The following UBR2 variants were observed in gnomAD, a reference collection of about 807,000 sequenced individuals.
UBR2 encodes ubiquitin protein ligase E3 component n-recognin 2.
Under a neutral mutation model 247.9 loss-of-function variants are expected in UBR2, and 92 were observed. The observed-to-expected ratio is 0.37, with a 90% confidence interval of 0.31 to 0.44. The LOEUF is 0.44. Ranked by LOEUF, UBR2 falls within the 20% of genes least tolerant of loss-of-function variation. The pLI, the probability that UBR2 is intolerant of heterozygous loss-of-function variation, is 1.00. For missense variants in UBR2, 1,613 were observed against 2,112.6 expected (o/e 0.76, Z 4.64); for synonymous variants, 672 against 693.5 (o/e 0.97, Z 0.49).
chr6:42,600,473 A>G (rs1164175673), intron 4 of UBR2, among the ~76,000 whole-genome samples: 3 of 152,130 alleles, frequency 2.0e-5, no homozygotes, highest in Non-Finnish European at 4.4e-5. Context: ...TTAATTTACC[A>G]TCATAACATT....
chr6:42,672,214 G>A (rs1291472744), intron 36 of UBR2, among the ~76,000 whole-genome samples: 1 of 152,092 alleles, frequency 6.6e-6, no homozygotes, highest in Non-Finnish European at 1.5e-5. Context: ...TGCGTTTTTA[G>A]TAGAGATGGG....
At chr6:42,655,199 C>T (rs1328952908) in intron 25 of UBR2, among the ~76,000 whole-genome samples, 1 of 151,972 alleles carries the variant, frequency 6.6e-6, no homozygotes, top group Non-Finnish European at 1.5e-5. Context: ...ACTTCAAGGC[C>T]GGGCATGGTG....
At chr6:42,584,334 T>C (rs1204096785) in intron 2 of UBR2, among the ~76,000 whole-genome samples, 1 of 152,196 alleles carries the variant, frequency 6.6e-6, no homozygotes, top group Non-Finnish European at 1.5e-5. Context: ...CACTTAACCA[T>C]AAAGTGTGGG....
chr6:42,660,382 G>A (rs1165972246), intron 30 of UBR2, among the ~76,000 whole-genome samples: 1 of 152,116 alleles, frequency 6.6e-6, no homozygotes, highest in Non-Finnish European at 1.5e-5. Context: ...AGCAACTGAG[G>A]GAGTAAAGCA....
intron 44 of UBR2, among the ~76,000 whole-genome samples, chr6:42,686,355 T>G (rs372251344): frequency 1.3e-5 from 2 of 151,722 alleles, no homozygotes; most frequent in East Asian, 1.9e-4. Context: ...ATTTAACCCT[T>G]AGTGGACACA....
intron 21 of UBR2, among the ~76,000 whole-genome samples, chr6:42,646,359 A>G (rs144611656): frequency 1.3e-5 from 2 of 152,366 alleles, no homozygotes; most frequent in East Asian, 1.9e-4. Context: ...TAAATATTTC[A>G]AACATCTATA....
intron 3 of UBR2, 53 bp downstream of exon 3, chr6:42,592,282 ATCTTT>A: frequency 7.5e-7 from 1 of 1,328,194 alleles, no homozygotes; most frequent in South Asian, 1.7e-5. Context: ...TATAATAAAT[ATCTTT>A]TCTTTCTTTT....
chr6:42,630,223 C>T (rs915341646), intron 11 of UBR2, among the ~76,000 whole-genome samples: 15 of 149,566 alleles, frequency 1.0e-4, no homozygotes, highest in Admixed American at 8.7e-4. Flanking sequence ...CTTGCTCTGT[C>T]GCCTAGGCTG....
intron 43 of UBR2, among the ~76,000 whole-genome samples, chr6:42,683,351 T>G (rs1273835832): frequency 6.6e-6 from 1 of 152,180 alleles, no homozygotes; most frequent in African/African-American, 2.4e-5. Context: ...TTTTAGGATA[T>G]TTGCTTTAAA....
intron 46 of UBR2, among the ~76,000 whole-genome samples, chr6:42,690,631 CT>C (rs1487071500): frequency 6.6e-6 from 1 of 152,108 alleles, no homozygotes; most frequent in African/African-American, 2.4e-5. Context: ...TTAGTAAAAT[CT>C]GTGAGGAATA....
At position 42,658,120 on chromosome 6, in the gene UBR2, G is replaced by A. The variant is rs753187944; in HGVS notation, c.2969G>A (p.Arg990Gln). The change falls in exon 27 of 47, where the codon CGG becomes CAG. Residue 990 changes from arginine (R) to glutamine (Q), a missense_variant. Physicochemically the swap from Arg to Gln is conservative, Grantham distance 43. Transcript: ENST00000372901. The stretch of plus-strand genomic sequence containing the variant: ...CTAGAAGTCCACAAAGACATGATTC[G>A]GTGGATATTGAAGGTAAAATTTCCA... Reference protein sequence around the residue: ...PYLEVHKDMIRWILKTFNAVK... With the variant: ...PYLEVHKDMIQWILKTFNAVK... The A allele has an allele frequency of 1.9e-5, 30 of 1,613,626 alleles. No individual in the cohort carries two copies. The highest frequency in any genetic ancestry group is 2.3e-5 in the Non-Finnish European group (27 of 1,179,876).
At chr6:42,663,229 T>C (rs1451437177) in intron 31 of UBR2, 29 bp from the exon 32 acceptor site, 2 of 1,517,940 alleles carry the variant, frequency 1.3e-6, no homozygotes, top group East Asian at 2.4e-5. Flanking sequence ...TACCATTGTT[T>C]TGATACCTCA....
rs979907134 is a variant in UBR2, at chr6:42,659,912, G to A, written c.3442+57G>A. On this transcript the variant is annotated intron_variant, in intron 30 of 46. Transcript: ENST00000372901. The surrounding 1 kb of genome is among the most constrained non-coding windows in gnomAD (Gnocchi z 4.3). ...TTAATAACAACTGCCAGTTAATGTG[G>A]TTGGTGATACGTTGAGATTTTTTAA... is the stretch of plus-strand genomic sequence containing the variant. 1.3e-6 allele frequency: 2 copies of A among 1,541,120 alleles called. No individual in the cohort carries two copies. Among genetic ancestry groups the A allele is most frequent in the South Asian group, 1.1e-5 (1 of 88,400 alleles).
At chr6:42,613,212 A>C (rs961021100) in intron 8 of UBR2, among the ~76,000 whole-genome samples, 3 of 152,218 alleles carry the variant, frequency 2.0e-5, no homozygotes, top group African/African-American at 2.4e-5. Context: ...GGTGTGTAAC[A>C]CTAAAGGGTA....
intron 30 of UBR2, 28 bp from the exon 31 acceptor site, chr6:42,662,156 T>G (rs1253063434): frequency 7.0e-7 from 1 of 1,420,428 alleles, no homozygotes; most frequent in Admixed American, 2.0e-5. Flanking sequence ...TTCACTTTTG[T>G]TTTGTTTTGT....
rs1799609579 is a variant in UBR2 at position 42,689,122 on chromosome 6, G to C, written c.5025-447G>C. 6.6e-6 allele frequency among the ~76,000 whole-genome samples: 1 copy of C among 152,218 alleles called. No homozygotes were observed. Among genetic ancestry groups the C allele is most frequent in the Non-Finnish European group, 1.5e-5 (1 of 68,044 alleles). On this transcript the variant is annotated intron_variant, in intron 45 of 46. Coordinates refer to ENST00000372901, the MANE Select transcript of UBR2 (RefSeq NM_001363705.2). The surrounding 1 kb of genome is among the most constrained non-coding windows in gnomAD (Gnocchi z 4.0). ...GTCTGCTCAAGGCAAGGAGGCGCGTGTCACTGGAGTGTTGTGCACAGGTGA... is the reference window on the plus strand; with the variant it reads ...GTCTGCTCAAGGCAAGGAGGCGCGTCTCACTGGAGTGTTGTGCACAGGTGA...
intron 31 of UBR2, 99 bp from the exon 32 acceptor site, chr6:42,663,159 A>C: frequency 9.7e-7 from 1 of 1,026,962 alleles, no homozygotes; most frequent in Non-Finnish European, 1.3e-6. Flanking sequence ...TCATTTTTGA[A>C]CTATTTGTGG....
At chr6:42,632,069 A>AAAAAT (rs56721828) in intron 11 of UBR2, among the ~76,000 whole-genome samples, 10 of 114,078 alleles carry the variant, frequency 8.8e-5, no homozygotes, top group African/African-American at 3.0e-4. Flanking sequence ...AAAAAAAAAA[A>AAAAAT]ATATATATAT....
intron 11 of UBR2, among the ~76,000 whole-genome samples, chr6:42,632,218 C>G (rs1402948653): frequency 4.6e-5 from 7 of 151,630 alleles, no homozygotes; most frequent in Admixed American, 3.9e-4. Flanking sequence ...AATAACTATA[C>G]CATACCATTA....
Sources: gnomAD v4.1 joint callset for allele counts (sites outside exome capture counted in the v4.1 genomes callset) on GRCh38, gnomAD v4.1.1 for gene constraint, Gnocchi (gnomAD v3.1) non-coding constraint, MANE v1.5 for transcripts, NCBI Gene and HGNC (gene_info 2026-07-23, HGNC 2026-07-21) for gene names.